Variants in SPACA7 observed in about 807,000 individuals in gnomAD.
SPACA7 encodes the protein sperm acrosome associated 7.
A neutral mutation model predicts 26.3 loss-of-function variants in SPACA7; 19 were observed. That is an observed-to-expected ratio of 0.72 (90% CI 0.50 to 1.06). SPACA7 has a LOEUF of 1.06. SPACA7 is among the 50% of genes least tolerant of loss of function. The probability of loss-of-function intolerance (pLI) is 0.00; values close to 1 mark genes in which losing one functional copy is unlikely to be tolerated. For synonymous variants in SPACA7, 84 were observed against 84.5 expected (o/e 0.99, Z 0.04); for missense variants, 211 against 229.9 (o/e 0.92, Z 0.53).
chr13:112,396,632 T>C (rs1358567053), intron 2 of SPACA7, among the ~76,000 whole-genome samples: 2 of 152,226 alleles, frequency 1.3e-5, no homozygotes, highest in African/African-American at 4.8e-5. Flanking sequence ...CCTATCTCAC[T>C]GGACACCATG....
In SPACA7 at chr13:112,401,081, A is replaced by T; in HGVS notation, c.362A>T (p.Asn121Ile). 1 of 1,614,056 alleles carries T rather than the reference A, an allele frequency of 6.2e-7. No homozygotes were observed. Among genetic ancestry groups the T allele is most frequent in the South Asian group, 1.1e-5 (1 of 91,076 alleles). Reference sequence around the variant, plus strand: ...TTTGTCATTAAAGAAGCCAATGCTAATGCAAATCTCCATGGCGATCCTTCT... The same window carrying T: ...TTTGTCATTAAAGAAGCCAATGCTATTGCAAATCTCCATGGCGATCCTTCT... ...VKISNDEANA[N>I]ANLHGDPSEN... The change falls in exon 5 of 7, where the codon AAT becomes ATT. Residue 121 changes from asparagine to isoleucine, a missense_variant. By Grantham distance (149) the Asn-to-Ile change is moderately radical. Coordinates refer to ENST00000283550, the MANE Select transcript of SPACA7 (RefSeq NM_145248.5).
chr13:112,384,664 G>A (rs2138877887), intron 1 of SPACA7, among the ~76,000 whole-genome samples: 1 of 152,196 alleles, frequency 6.6e-6, no homozygotes, highest in Non-Finnish European at 1.5e-5. Context: ...TAGCCAAAAT[G>A]ATAACTTCAA....
intron 5 of SPACA7, among the ~76,000 whole-genome samples, chr13:112,401,549 T>C (rs1885642181): frequency 6.6e-6 from 1 of 152,182 alleles, no homozygotes; most frequent in Non-Finnish European, 1.5e-5. Context: ...TTGGGGTTTG[T>C]TAGTTGACTT....
chr13:112,418,828 A>C (rs1485226270), intron 5 of SPACA7, among the ~76,000 whole-genome samples: 1 of 152,156 alleles, frequency 6.6e-6, no homozygotes, highest in East Asian at 1.9e-4. Flanking sequence ...AGTACGTTTC[A>C]GGTTCTCTAC....
At chr13:112,430,966 T>C (rs1221344037) in intron 5 of SPACA7, among the ~76,000 whole-genome samples, 1 of 152,240 alleles carries the variant, frequency 6.6e-6, no homozygotes, top group Non-Finnish European at 1.5e-5. Flanking sequence ...ATTTTGAGTA[T>C]GAAATTGGCA....
chr13:112,407,277 A>T (rs1024637480), intron 5 of SPACA7, among the ~76,000 whole-genome samples: 2 of 152,238 alleles, frequency 1.3e-5, no homozygotes, highest in African/African-American at 4.8e-5. Flanking sequence ...AAATATCTAA[A>T]ATTGACACCC....
intron 5 of SPACA7, among the ~76,000 whole-genome samples, chr13:112,430,168 CTCTCTCTGTG>C (rs1310539804): frequency 1.1e-4 from 13 of 115,878 alleles, no homozygotes; most frequent in Admixed American, 1.7e-4. Flanking sequence ...CCTTGCATCT[CTCTCTCTGTG>C]TGTGTGTGTG....
intron 5 of SPACA7, among the ~76,000 whole-genome samples, chr13:112,410,721 C>A (rs1467896064): frequency 6.6e-6 from 1 of 151,780 alleles, no homozygotes; most frequent in Non-Finnish European, 1.5e-5. Flanking sequence ...AATGGTGCAG[C>A]CACTGCAGAA....
At chr13:112,429,275 C>T (rs900113200) in intron 5 of SPACA7, among the ~76,000 whole-genome samples, 1 of 151,822 alleles carries the variant, frequency 6.6e-6, no homozygotes, top group African/African-American at 2.4e-5. Flanking sequence ...ACTCAGGAGG[C>T]TGAGGCAGGA....
chr13:112,390,248 C>T (rs1884795296), intron 1 of SPACA7, among the ~76,000 whole-genome samples: 1 of 152,104 alleles, frequency 6.6e-6, no homozygotes, highest in Non-Finnish European at 1.5e-5. Flanking sequence ...TAGGAGAGAA[C>T]TCTGGGAGCC....
intron 5 of SPACA7, among the ~76,000 whole-genome samples, chr13:112,428,371 G>A (rs1291468278): frequency 6.6e-6 from 1 of 152,160 alleles, no homozygotes; most frequent in Non-Finnish European, 1.5e-5. Context: ...CTTGAGGTCA[G>A]GAGTTTGAGA....
At position 112,387,994 on chromosome 13, in the gene SPACA7, G is replaced by T. The variant is rs186660660; in HGVS notation, c.95-5027G>T. On this transcript the variant is annotated intron_variant, in intron 1 of 6. Transcript: ENST00000283550. ...ACCTCTGAATGGTAATTCACAATGAGATCTCTGGGCAAGGCGAAGACAGGC... is the reference window on the plus strand; with the variant it reads ...ACCTCTGAATGGTAATTCACAATGATATCTCTGGGCAAGGCGAAGACAGGC... 3.2e-3 allele frequency among the ~76,000 whole-genome samples: 483 copies of T among 152,254 alleles called. 1 individual carries two copies. The highest frequency in any genetic ancestry group is 0.011 in the African/African-American group (455 of 41,554).
intron 5 of SPACA7, among the ~76,000 whole-genome samples, chr13:112,423,922 G>T (rs552845849): frequency 6.6e-6 from 1 of 152,252 alleles, no homozygotes; most frequent in African/African-American, 2.4e-5. Flanking sequence ...TTTTTTAAAA[G>T]CATGGCTATC....
At chr13:112,394,687 C>T (rs1885120990) in intron 2 of SPACA7, among the ~76,000 whole-genome samples, 2 of 152,332 alleles carry the variant, frequency 1.3e-5, no homozygotes, top group East Asian at 3.9e-4. Context: ...GAGTTAGACT[C>T]CCCAAGGTCA....
intron 5 of SPACA7, among the ~76,000 whole-genome samples, chr13:112,402,523 T>C (rs1337249945): frequency 6.6e-6 from 1 of 152,256 alleles, no homozygotes; most frequent in Non-Finnish European, 1.5e-5. Context: ...ATCTCATTGA[T>C]GTCCCTTGCC....
intron 5 of SPACA7, among the ~76,000 whole-genome samples, chr13:112,418,470 T>C (rs1159978638): frequency 6.6e-6 from 1 of 152,028 alleles, no homozygotes; most frequent in Non-Finnish European, 1.5e-5. Context: ...CACAGGAAAA[T>C]GGAAATATGT....
At chr13:112,432,627 C>A in intron 6 of SPACA7, 106 bp downstream of exon 6, 2 of 824,220 alleles carry the variant, frequency 2.4e-6, no homozygotes, top group Non-Finnish European at 4.0e-6. Flanking sequence ...GTGAGCCCAG[C>A]CCCCAGGTGG....
chr13:112,401,178 G>A lies in SPACA7; in HGVS notation c.445+14G>A, dbSNP rs1885616855. 6.2e-7 allele frequency: 1 copy of A among 1,600,132 alleles called. No homozygotes were observed. Among genetic ancestry groups the A allele is most frequent in the Non-Finnish European group, 8.6e-7 (1 of 1,167,368 alleles). ...TTTCCAGTAAAGGTAAATGTGCCCTGCCCACACTGAGAGCTCTGTGGGAGA... is the reference window on the plus strand; with the variant it reads ...TTTCCAGTAAAGGTAAATGTGCCCTACCCACACTGAGAGCTCTGTGGGAGA... On this transcript the variant is annotated intron_variant, in intron 5 of 6. Coordinates refer to ENST00000283550, the MANE Select transcript of SPACA7 (RefSeq NM_145248.5).
At chr13:112,427,063 A>G (rs781551890) in intron 5 of SPACA7, among the ~76,000 whole-genome samples, 6 of 152,206 alleles carry the variant, frequency 3.9e-5, no homozygotes, top group Non-Finnish European at 8.8e-5. Context: ...TTCCATTCCT[A>G]GTTTGCTGAG....
Sources: gnomAD v4.1 joint callset for allele counts (sites outside exome capture counted in the v4.1 genomes callset) on GRCh38, gnomAD v4.1.1 for gene constraint, MANE v1.5 for transcripts, NCBI Gene and HGNC (gene_info 2026-07-23, HGNC 2026-07-21) for gene names.